Variants in SLC9A9 observed in about 807,000 individuals in gnomAD.
SLC9A9 encodes sodium/hydrogen exchanger 9.
SLC9A9 carries 62 observed loss-of-function variants against 77.8 expected under a neutral mutation model. The ratio of observed to expected loss-of-function variants is 0.80; its 90% CI spans 0.65 to 0.98. The LOEUF is 0.98. SLC9A9 is among the 50% of genes least tolerant of loss of function. SLC9A9 has a pLI of 0.00. For missense variants in SLC9A9, 775 were observed against 774.9 expected (o/e 1.00, Z 0.00); for synonymous variants, 320 against 283.5 (o/e 1.13, Z -1.29).
chr3:143,384,764 G>A (rs1432285121), intron 12 of SLC9A9, among the ~76,000 whole-genome samples: 1 of 152,196 alleles, frequency 6.6e-6, no homozygotes, highest in Admixed American at 6.5e-5. Context: ...GCCACAAGTG[G>A]CTTGAGGAAA....
intron 4 of SLC9A9, among the ~76,000 whole-genome samples, chr3:143,699,221 C>G (rs1933727079): frequency 6.6e-6 from 1 of 152,044 alleles, no homozygotes; most frequent in Non-Finnish European, 1.5e-5. Flanking sequence ...ATACATAATT[C>G]CTATTCTAAA....
intron 14 of SLC9A9, chr3:143,342,158 G>A (rs1248206542): frequency 1.3e-5 from 2 of 152,154 alleles, no homozygotes; most frequent in African/African-American, 4.8e-5. Flanking sequence ...CCTTAGGAAG[G>A]GATCTCTCAA....
At chr3:143,828,797 G>C (rs2009364814) in intron 2 of SLC9A9, among the ~76,000 whole-genome samples, 1 of 152,144 alleles carries the variant, frequency 6.6e-6, no homozygotes, top group South Asian at 2.1e-4. Context: ...ACAAAATAAG[G>C]GGCTGGTAGA....
At chr3:143,482,304 G>T (rs918172375) in intron 11 of SLC9A9, among the ~76,000 whole-genome samples, 5 of 152,210 alleles carry the variant, frequency 3.3e-5, no homozygotes, top group African/African-American at 1.2e-4. Context: ...AACATTAATA[G>T]CACAGCTTGG....
chr3:143,586,716 C>T (rs890924478), intron 6 of SLC9A9, among the ~76,000 whole-genome samples: 3 of 152,168 alleles, frequency 2.0e-5, no homozygotes, highest in African/African-American at 4.8e-5. Flanking sequence ...TCTCCCTGCC[C>T]ATTATTCTGG....
At chr3:143,396,993 G>A (rs1412681945) in intron 12 of SLC9A9, among the ~76,000 whole-genome samples, 1 of 151,902 alleles carries the variant, frequency 6.6e-6, no homozygotes, top group East Asian at 1.9e-4. Context: ...GCAAGTACCT[G>A]TTCCAGACAC....
At chr3:143,302,929 G>T (rs2030594548) in intron 14 of SLC9A9, among the ~76,000 whole-genome samples, 1 of 152,152 alleles carries the variant, frequency 6.6e-6, no homozygotes, top group South Asian at 2.1e-4. Context: ...CACGTTACAA[G>T]TCCATCTCAG....
At chr3:143,681,508 C>A (rs1297932754) in intron 5 of SLC9A9, among the ~76,000 whole-genome samples, 1 of 152,154 alleles carries the variant, frequency 6.6e-6, no homozygotes, top group African/African-American at 2.4e-5. Context: ...ATTTATCTGA[C>A]AAATATTTAC....
intron 5 of SLC9A9, among the ~76,000 whole-genome samples, chr3:143,678,604 A>C (rs1932965760): frequency 6.6e-6 from 1 of 152,164 alleles, no homozygotes; most frequent in Non-Finnish European, 1.5e-5. Flanking sequence ...TTTCAATGAA[A>C]TCTGTGTCTG....
At chr3:143,328,620 A>C (rs898448021) in intron 14 of SLC9A9, among the ~76,000 whole-genome samples, 10 of 152,032 alleles carry the variant, frequency 6.6e-5, no homozygotes, top group African/African-American at 2.4e-4. Flanking sequence ...CCAACCCTCC[A>C]CCTGGAAGTA....
intron 4 of SLC9A9, among the ~76,000 whole-genome samples, chr3:143,727,687 T>C (rs1225530084): frequency 6.6e-6 from 1 of 152,164 alleles, no homozygotes; most frequent in Non-Finnish European, 1.5e-5. Context: ...CAAGTTTGAA[T>C]AGCAAAGAAA....
intron 12 of SLC9A9, among the ~76,000 whole-genome samples, chr3:143,431,642 C>T (rs753408400): frequency 2.0e-4 from 30 of 151,946 alleles, no homozygotes; most frequent in African/African-American, 2.4e-4. Flanking sequence ...CCACCATGCC[C>T]GGCTAATTTT....
chr3:143,759,079 G>A (rs983369126), intron 4 of SLC9A9, among the ~76,000 whole-genome samples: 1 of 152,122 alleles, frequency 6.6e-6, no homozygotes, highest in Non-Finnish European at 1.5e-5. Flanking sequence ...AAACTAAGAA[G>A]GTGAGGGTTA....
intron 4 of SLC9A9, among the ~76,000 whole-genome samples, chr3:143,740,648 C>T (rs1401782001): frequency 6.6e-6 from 1 of 152,080 alleles, no homozygotes; most frequent in Non-Finnish European, 1.5e-5. Flanking sequence ...ATCATACCTC[C>T]CCATTGGGAA....
At chr3:143,811,964 G>A (rs1251185744) in intron 2 of SLC9A9, among the ~76,000 whole-genome samples, 1 of 152,072 alleles carries the variant, frequency 6.6e-6, no homozygotes, top group Non-Finnish European at 1.5e-5. Flanking sequence ...AGAATATGAG[G>A]CACAAGGAAC....
At position 143,532,995 on chromosome 3, in the gene SLC9A9, C is replaced by T. The variant is rs551170050; in HGVS notation, c.1089+19367G>A. 8.5e-5 allele frequency among the ~76,000 whole-genome samples: 13 copies of T among 152,320 alleles called. No homozygotes were observed. The East Asian group carries it at 2.5e-3, about 29-fold the overall frequency. ...TATAGCCCCAGAGAACCCTGTTACT[C>T]CCCTCAGAGAACTTAATCCTGTGTT... On this transcript the variant is annotated intron_variant, in intron 9 of 15. Transcript: ENST00000316549.
At chr3:143,448,354 G>T (rs953709482) in intron 12 of SLC9A9, among the ~76,000 whole-genome samples, 1 of 152,116 alleles carries the variant, frequency 6.6e-6, no homozygotes, top group Non-Finnish European at 1.5e-5. Flanking sequence ...AGTCTGGAAA[G>T]ATTTCTCTAT....
chr3:143,266,965 A>G (rs773844814), intron 15 of SLC9A9, 36 bp from the exon 16 acceptor site: 1 of 1,597,066 alleles, frequency 6.3e-7, no homozygotes, highest in South Asian at 1.1e-5. Context: ...TCACTTCATG[A>G]TGAAGGCAGA....
intron 9 of SLC9A9, among the ~76,000 whole-genome samples, chr3:143,521,696 A>G (rs996844216): frequency 5.9e-5 from 9 of 152,006 alleles, no homozygotes; most frequent in Admixed American, 5.2e-4. Context: ...ATTTTGATAC[A>G]TGTATTTTCC....
Sources: gnomAD v4.1 joint callset for allele counts (sites outside exome capture counted in the v4.1 genomes callset) on GRCh38, gnomAD v4.1.1 for gene constraint, MANE v1.5 for transcripts, NCBI Gene and HGNC (gene_info 2026-07-23, HGNC 2026-07-21) for gene names.